The following ARHGAP31 variants were observed in gnomAD, a reference collection of about 807,000 sequenced individuals.
The protein encoded by ARHGAP31 is Rho GTPase activating protein 31, also known as rho GTPase-activating protein 31.
In ARHGAP31, 34 loss-of-function variants were observed where a neutral mutation model predicts 113.9. The observed-to-expected ratio is 0.30, with a 90% CI of 0.23 to 0.40. ARHGAP31 has a LOEUF of 0.40. Among genes scored for constraint, ARHGAP31 ranks in the 10% least tolerant of loss-of-function variants. The probability of loss-of-function intolerance (pLI) is 1.00; values close to 1 mark genes in which losing one functional copy is unlikely to be tolerated. For synonymous variants in ARHGAP31, 650 were observed against 684.8 expected, an observed-to-expected ratio of 0.95 and a Z score of 0.79; for missense variants, 1,548 against 1,767.1, an observed-to-expected ratio of 0.88 and a Z score of 2.22.
chr3:119,318,195 AG>A (rs1288273889), intron 1 of ARHGAP31, among the ~76,000 whole-genome samples: 4 of 152,226 alleles, frequency 2.6e-5, no homozygotes, highest in African/African-American at 7.2e-5. Context: ...GCTTGAACCC[AG>A]GAAGTCGAGG....
chr3:119,383,277 A>C, intron 6 of ARHGAP31, 51 bp downstream of exon 6: 1 of 1,609,904 alleles, frequency 6.2e-7, no homozygotes. Context: ...TCTTTCTTGC[A>C]ACTAGTGGTG....
At chr3:119,337,349 C>T (rs377372590) in intron 1 of ARHGAP31, among the ~76,000 whole-genome samples, 17 of 152,210 alleles carry the variant, frequency 1.1e-4, no homozygotes, top group East Asian at 5.8e-4. Context: ...TTGTTCTTTC[C>T]TCCCGGTGGC....
At chr3:119,299,659 A>G (rs75209804) in intron 1 of ARHGAP31, among the ~76,000 whole-genome samples, 4,516 of 152,172 alleles carry the variant, frequency 0.03, 207 homozygotes, top group African/African-American at 0.1. Context: ...GATACTGTGG[A>G]AAAAAAAGAT....
intron 1 of ARHGAP31, among the ~76,000 whole-genome samples, chr3:119,331,549 G>A (rs180946952): frequency 5.9e-5 from 9 of 152,056 alleles, no homozygotes; most frequent in Admixed American, 2.6e-4. Context: ...ACCTGCAAAC[G>A]CTCATGAATA....
At chr3:119,342,726 G>A (rs898789768) in intron 1 of ARHGAP31, among the ~76,000 whole-genome samples, 1 of 152,198 alleles carries the variant, frequency 6.6e-6, no homozygotes, top group African/African-American at 2.4e-5. Flanking sequence ...AAGGTGGGCG[G>A]ATCACCTGAG....
chr3:119,414,189 C>T lies in ARHGAP31; in HGVS notation c.2260C>T (p.Pro754Ser). Reference protein sequence around the residue: ...GLHPDLASLAPLEIVPFEKAS... With the variant: ...GLHPDLASLASLEIVPFEKAS... ...GCACCCAGACCTCGCCAGCCTGGCT[C>T]CTCTGGAAATAGTTCCTTTTGAGAA... The change falls in exon 12 of 12, where the codon CCT becomes TCT. Residue 754 changes from proline (P) to serine (S), a missense_variant. Coordinates refer to ENST00000264245, the MANE Select transcript of ARHGAP31 (RefSeq NM_020754.4). 1 of 1,614,178 alleles carries T rather than the reference C, an allele frequency of 6.2e-7. No homozygotes were observed. Among genetic ancestry groups the T allele is most frequent in the Middle Eastern group, 1.7e-4 (1 of 6,060 alleles).
At chr3:119,329,941 T>A (rs1381205398) in intron 1 of ARHGAP31, 1 of 985,366 alleles carries the variant, frequency 1.0e-6, no homozygotes, top group Admixed American at 6.1e-5. Context: ...ACAAAGACGC[T>A]GAAGAAGTCA....
At chr3:119,332,025 CAGAA>C (rs770906760) in intron 1 of ARHGAP31, among the ~76,000 whole-genome samples, 3 of 152,108 alleles carry the variant, frequency 2.0e-5, no homozygotes, top group Non-Finnish European at 4.4e-5. Context: ...CTTTCTAAGT[CAGAA>C]AGAATATGTT....
rs2080616021 is a variant in ARHGAP31, at chr3:119,402,144, C to G, written c.1392C>G (p.Ser464=). The G allele has an allele frequency of 2.5e-6, 4 of 1,614,268 alleles. No individual in the cohort carries two copies. Among genetic ancestry groups the G allele is most frequent in the Non-Finnish European group, 3.4e-6 (4 of 1,180,056 alleles). ...CTTCGAACGACAGCCCTAGCAAATC[C>G]GTCTTCACCAGCAGCCTCTTCCAGA... is the stretch of plus-strand genomic sequence containing the variant. ...FYTSNDSPSK[S]VFTSSLFQME... Residue 464 remains serine, a synonymous_variant, in exon 10 of 12, where the codon TCC becomes TCG. Coordinates refer to ENST00000264245, the MANE Select transcript of ARHGAP31 (RefSeq NM_020754.4).
At chr3:119,390,686 C>T (rs1441413447) in intron 6 of ARHGAP31, 99 bp from the exon 7 acceptor site, 1 of 1,334,558 alleles carries the variant, frequency 7.5e-7, no homozygotes, top group Admixed American at 1.9e-5. Flanking sequence ...ACTCAGCCCC[C>T]ATCATAGGAT....
intron 1 of ARHGAP31, among the ~76,000 whole-genome samples, chr3:119,321,467 A>G (rs1487872310): frequency 2.0e-5 from 3 of 150,210 alleles, no homozygotes; most frequent in African/African-American, 7.3e-5. Flanking sequence ...TATCACCCAA[A>G]GATGTAACAT....
chr3:119,342,390 T>A (rs2080016400), intron 1 of ARHGAP31, among the ~76,000 whole-genome samples: 1 of 152,146 alleles, frequency 6.6e-6, no homozygotes, highest in Admixed American at 6.5e-5. Flanking sequence ...AATGGAATAC[T>A]CAGGGCTATG....
intron 1 of ARHGAP31, among the ~76,000 whole-genome samples, chr3:119,335,194 G>A (rs1240443879): frequency 6.6e-6 from 1 of 152,134 alleles, no homozygotes; most frequent in Non-Finnish European, 1.5e-5. Context: ...AACTGGCATG[G>A]GAAGCAGAAG....
intron 1 of ARHGAP31, among the ~76,000 whole-genome samples, chr3:119,328,631 TTTTC>T (rs1262146300): frequency 2.0e-5 from 3 of 151,854 alleles, no homozygotes; most frequent in Admixed American, 6.6e-5. Flanking sequence ...AACTCCACCT[TTTTC>T]TTTCTTTCTT....
At chr3:119,376,758 C>CAA in intron 3 of ARHGAP31, among the ~76,000 whole-genome samples, 1 of 135,824 alleles carries the variant, frequency 7.4e-6, no homozygotes, top group African/African-American at 2.6e-5. Context: ...AGACTCGTCT[C>CAA]AAAAAAAAAA....
Position 119,402,473 on chromosome 3 carries a change from C to T in ARHGAP31, c.1645+76C>T, listed in dbSNP as rs568465342. The T allele has an allele frequency of 8.8e-6, 13 of 1,477,682 alleles. No homozygotes were observed. The East Asian group carries it at 2.6e-4, about 29-fold the overall frequency. 91.5% of individuals were successfully genotyped at this position (1,477,682 alleles called of 1,614,324 possible). ...CTTAAATTTGCTTGAGTTTGCAAGG[C>T]AATATAGTGCGGTGGTTAAGCCTGT... On this transcript the variant is annotated intron_variant, in intron 10 of 11. Transcript: ENST00000264245.
rs1285639683 is a variant in ARHGAP31 at position 119,376,270 on chromosome 3, C to T, written c.349-4634C>T. On this transcript the variant is annotated intron_variant, in intron 3 of 11. Coordinates refer to ENST00000264245, the MANE Select transcript of ARHGAP31 (RefSeq NM_020754.4). ...TCGGGAGGCTGAGGTGGGCGGATCACTTGAGGTCAGTAGTTTGAGATCAGC... is the reference window on the plus strand; with the variant it reads ...TCGGGAGGCTGAGGTGGGCGGATCATTTGAGGTCAGTAGTTTGAGATCAGC... 2.6e-5 allele frequency among the ~76,000 whole-genome samples: 4 copies of T among 152,316 alleles called. No homozygotes were observed. The East Asian group carries it at 5.8e-4, about 22-fold the overall frequency.
chr3:119,371,689 G>C (rs1168049043), intron 3 of ARHGAP31, among the ~76,000 whole-genome samples: 1 of 152,040 alleles, frequency 6.6e-6, no homozygotes, highest in Non-Finnish European at 1.5e-5. Flanking sequence ...TACATGTTCA[G>C]GTTTGTTATA....
intron 1 of ARHGAP31, among the ~76,000 whole-genome samples, chr3:119,338,056 G>A (rs1186216765): frequency 6.6e-6 from 1 of 152,196 alleles, no homozygotes; most frequent in Non-Finnish European, 1.5e-5. Flanking sequence ...CATTTTGAGG[G>A]ACGGTGAGTT....
Sources: gnomAD v4.1 joint callset for allele counts (sites outside exome capture counted in the v4.1 genomes callset) on GRCh38, gnomAD v4.1.1 for gene constraint, MANE v1.5 for transcripts, NCBI Gene and HGNC (gene_info 2026-07-23, HGNC 2026-07-21) for gene names.